The following OR52N2 variants were observed in gnomAD, a reference collection of about 807,000 sequenced individuals.
The protein encoded by OR52N2 is olfactory receptor family 52 subfamily N member 2.
For missense variants in OR52N2, 326 were observed against 196.6 expected (o/e 1.66, Z -3.94); for synonymous variants, 129 against 72.0 (o/e 1.79, Z -4.01).
chr11:5,814,149 C>G (rs555085179), intron 1 of OR52N2, among the ~76,000 whole-genome samples: 1 of 152,164 alleles, frequency 6.6e-6, no homozygotes, highest in Non-Finnish European at 1.5e-5. Context: ...TACTGAAAGT[C>G]CTAGCCAGAG....
intron 1 of OR52N2, among the ~76,000 whole-genome samples, chr11:5,811,725 T>G (rs745379505): frequency 6.6e-6 from 1 of 152,046 alleles, no homozygotes; most frequent in Non-Finnish European, 1.5e-5. Flanking sequence ...TTATCAATAA[T>G]TACCTTGAAA....
intron 1 of OR52N2, among the ~76,000 whole-genome samples, chr11:5,813,496 C>T (rs1349122940): frequency 6.6e-6 from 1 of 151,828 alleles, no homozygotes; most frequent in Admixed American, 6.6e-5. Flanking sequence ...TCTAAACAAA[C>T]CAAAGATAAG....
rs1196362005 is a variant in OR52N2 at position 5,820,841 on chromosome 11, C to T, written c.506C>T (p.Pro169Leu). ...IPFTLLTKRL[P>L]YCRGNFIPHT... ...TTCACTCTCCTCACCAAGCGCCTGC[C>T]CTATTGCCGGGGGAACTTCATCCCC... The change falls in exon 2 of 2, where the codon CCC becomes CTC. Residue 169 changes from proline to leucine, a missense_variant. Physicochemically the swap from Pro to Leu is moderately conservative, Grantham distance 98. Coordinates refer to ENST00000317037, the MANE Select transcript of OR52N2 (RefSeq NM_001005174.3). The T allele has an allele frequency of 2.6e-6, 2 of 780,680 alleles. No homozygotes were observed. Among genetic ancestry groups the T allele is most frequent in the South Asian group, 2.7e-5 (2 of 74,546 alleles). 48.4% of individuals were successfully genotyped at this position (780,680 alleles called of 1,614,324 possible).
At chr11:5,815,375 T>TCAA (rs1267314216) in intron 1 of OR52N2, among the ~76,000 whole-genome samples, 1 of 151,796 alleles carries the variant, frequency 6.6e-6, no homozygotes, top group East Asian at 1.9e-4. Flanking sequence ...CTCCTAAACC[T>TCAA]CAACAACAAC....
rs1348463552 is a variant in OR52N2 at position 5,821,281 on chromosome 11, A to G, written c.946A>G (p.Ser316Gly). Residue 316 changes from serine (S) to glycine (G), a missense_variant, in exon 2 of 2, where the codon AGT (serine) becomes GGT (glycine). Coordinates refer to ENST00000317037, the MANE Select transcript of OR52N2 (RefSeq NM_001005174.3). ...TAAATTTTTACTTGGAGACAAGGTT[A>G]GTTTTACCTATGACAAATGAAACAT... ...VIKFLLGDKV[S>G]FTYDK 2.6e-6 allele frequency: 2 copies of G among 779,420 alleles called. No homozygotes were observed. Among genetic ancestry groups the G allele is most frequent in the Non-Finnish European group, 4.8e-6 (2 of 417,722 alleles). 48.3% of individuals were successfully genotyped at this position (779,420 alleles called of 1,614,324 possible).
intron 1 of OR52N2, among the ~76,000 whole-genome samples, chr11:5,818,490 C>A (rs1846420985): frequency 6.6e-6 from 1 of 152,088 alleles, no homozygotes; most frequent in Non-Finnish European, 1.5e-5. Context: ...TTTCAAACAA[C>A]TCCTAAAGAT....
chr11:5,821,169 C>T lies in OR52N2; in HGVS notation c.834C>T (p.Ile278=), dbSNP rs146860481. ...GHNIPNHIHI[I]VANLYLLLPP... The stretch of plus-strand genomic sequence containing the variant: ...ATATCCCAAACCACATACACATCAT[C>T]GTGGCCAACCTTTATCTGCTACTGC... The change falls in exon 2 of 2, where the codon ATC becomes ATT. Residue 278 remains isoleucine (I), a synonymous_variant. Transcript: ENST00000317037. 7.7e-6 allele frequency: 6 copies of T among 780,892 alleles called. No homozygotes were observed. The highest frequency in any genetic ancestry group is 2.2e-4 in the Middle Eastern group (1 of 4,464). The allele number at this position is 780,892 out of a possible 1,614,324, so 48.4% of individuals were successfully genotyped here.
At chr11:5,810,293 A>G (rs904744513) in intron 1 of OR52N2, among the ~76,000 whole-genome samples, 2 of 152,190 alleles carry the variant, frequency 1.3e-5, no homozygotes, top group African/African-American at 4.8e-5. Flanking sequence ...TTGCCTGAAA[A>G]ATCTAAAGCC....
chr11:5,815,812 A>T (rs1031128172), intron 1 of OR52N2, among the ~76,000 whole-genome samples: 2 of 152,138 alleles, frequency 1.3e-5, no homozygotes, highest in Admixed American at 6.5e-5. Flanking sequence ...AGTAACCAAG[A>T]TATAAGAACA....
Position 5,820,601 on chromosome 11 carries a change from T to G in OR52N2, c.266T>G (p.Phe89Cys). 1.3e-6 allele frequency: 1 copy of G among 782,394 alleles called. No individual in the cohort carries two copies. Among genetic ancestry groups the G allele is most frequent in the Non-Finnish European group, 2.4e-6 (1 of 419,382 alleles). 48.5% of individuals were successfully genotyped at this position (782,394 alleles called of 1,614,324 possible). ...CCTAATATGCTGTGCATATTCTGGT[T>G]CAACCTCAAGGAGATTGACTTTAAC... The part of the protein sequence containing the change: ...MVPNMLCIFW[F>C]NLKEIDFNAC... Residue 89 changes from phenylalanine (F) to cysteine (C), a missense_variant, in exon 2 of 2, where the codon TTC (phenylalanine) becomes TGC (cysteine). Phe to Cys is a radical substitution (Grantham distance 205, BLOSUM62 -2). Transcript: ENST00000317037.
At chr11:5,818,980 C>T (rs1419464913) in intron 1 of OR52N2, among the ~76,000 whole-genome samples, 7 of 152,164 alleles carry the variant, frequency 4.6e-5, no homozygotes, top group African/African-American at 1.7e-4. Flanking sequence ...TTTACATTTC[C>T]CTCCATCATT....
At position 5,820,335 on chromosome 11, in the gene OR52N2, C is replaced by G. The variant is rs763518119; in HGVS notation, c.-1C>G. 51 of 780,238 alleles carry G rather than the reference C, an allele frequency of 6.5e-5. No homozygotes were observed. In the South Asian group the frequency reaches 6.8e-4, roughly 10 times the overall value. The allele number at this position is 780,238 out of a possible 1,614,324, so 48.3% of individuals were successfully genotyped here. A position where few individuals can be genotyped will look rare whatever the true frequency, so the allele number is the denominator to read the frequency against. ...AAAATGCTCTCCTCCTGTCAGCCAT[C>G]ATGTCTGGGGACAACAGCTCCAGCC... is the stretch of plus-strand genomic sequence containing the variant. On this transcript the variant is annotated 5_prime_UTR_variant, in exon 2 of 2. In the 5' UTR this introduces an upstream ATG that the reference lacks. Transcript: ENST00000317037.
In OR52N2 at chr11:5,818,287, G is replaced by A. The variant is rs193021108; in HGVS notation, c.-54-1995G>A. 9.2e-4 allele frequency among the ~76,000 whole-genome samples: 140 copies of A among 152,156 alleles called. 1 individual carries two copies. The highest frequency in any genetic ancestry group is 1.8e-3 in the Admixed American group (27 of 15,290). ...GACTTGGTGACCATATTTCCCACTTGGGAAAAGGCATTAAACTTTCTCTAC... is the reference window on the plus strand; with the variant it reads ...GACTTGGTGACCATATTTCCCACTTAGGAAAAGGCATTAAACTTTCTCTAC... On this transcript the variant is annotated intron_variant, in intron 1 of 1. Transcript: ENST00000317037.
chr11:5,821,430 C>A lies in OR52N2; in HGVS notation c.*129C>A. 12 of 572,992 alleles carry A rather than the reference C, an allele frequency of 2.1e-5. No homozygotes were observed. Among genetic ancestry groups the A allele is most frequent in the South Asian group, 9.9e-5 (4 of 40,452 alleles). The allele number at this position is 572,992 out of a possible 1,614,324, so 35.5% of individuals were successfully genotyped here. On this transcript the variant is annotated 3_prime_UTR_variant, in exon 2 of 2. Transcript: ENST00000317037. ...CCCATGTAACAAACTTGCACGTGTA[C>A]CTAAAATAAAAATAGAAATAAAAAA...
intron 1 of OR52N2, among the ~76,000 whole-genome samples, chr11:5,810,240 G>A (rs181475325): frequency 2.0e-5 from 3 of 152,320 alleles, no homozygotes; most frequent in Admixed American, 2.0e-4. Flanking sequence ...GGGACTGGAT[G>A]AGCAAGCTAG....
chr11:5,812,521 G>T (rs1313516018), intron 1 of OR52N2, among the ~76,000 whole-genome samples: 1 of 148,492 alleles, frequency 6.7e-6, no homozygotes, highest in Non-Finnish European at 1.5e-5. Flanking sequence ...AAGAAATGAG[G>T]AAAAACAAAA....
In OR52N2 at chr11:5,821,362, A is replaced by C; in HGVS notation, c.*61A>C. On this transcript the variant is annotated 3_prime_UTR_variant, in exon 2 of 2. Coordinates refer to ENST00000317037, the MANE Select transcript of OR52N2 (RefSeq NM_001005174.3). ...AAATAATGGAGACAAAATTTCATAA[A>C]AGATGTGAATAAAATGGTATTAAAA... 1 of 686,044 alleles carries C rather than the reference A, an allele frequency of 1.5e-6. No homozygotes were observed. The highest frequency in any genetic ancestry group is 2.6e-6 in the Non-Finnish European group (1 of 378,930). The allele number at this position is 686,044 out of a possible 1,614,324, so 42.5% of individuals were successfully genotyped here. A position where few individuals can be genotyped will look rare whatever the true frequency, so the allele number is the denominator to read the frequency against.
chr11:5,815,882 G>A (rs72896134), intron 1 of OR52N2, among the ~76,000 whole-genome samples: 10,376 of 90,296 alleles, frequency 0.11, 487 homozygotes, highest in Non-Finnish European at 0.16. Context: ...GTATGTATGT[G>A]TATGTGTGTA....
rs1846440812 is a variant in OR52N2, at chr11:5,820,613, A to G, written c.278A>G (p.Glu93Gly). The G allele has an allele frequency of 1.3e-6, 1 of 782,678 alleles. No homozygotes were observed. Among genetic ancestry groups the G allele is most frequent in the Non-Finnish European group, 2.4e-6 (1 of 419,860 alleles). 48.5% of individuals were successfully genotyped at this position (782,678 alleles called of 1,614,324 possible). A position where few individuals can be genotyped will look rare whatever the true frequency, so the allele number is the denominator to read the frequency against. The change falls in exon 2 of 2, where the codon GAG becomes GGG. Residue 93 changes from glutamate to glycine, a missense_variant. Physicochemically the swap from Glu to Gly is moderately conservative, Grantham distance 98. Transcript: ENST00000317037. ...MLCIFWFNLK[E>G]IDFNACLAQM... ...TGCATATTCTGGTTCAACCTCAAGG[A>G]GATTGACTTTAACGCCTGCCTGGCC... is the stretch of plus-strand genomic sequence containing the variant.
Sources: allele counts gnomAD v4.1 joint callset (sites outside exome capture counted in the v4.1 genomes callset), GRCh38; gene constraint gnomAD v4.1.1; transcripts MANE v1.5; gene names NCBI Gene and HGNC (gene_info 2026-07-23, HGNC 2026-07-21).